SEMA6D: variants seen among roughly 807,000 people sequenced by gnomAD.
SEMA6D encodes the protein semaphorin-6D.
Under a neutral mutation model 106.6 loss-of-function variants are expected in SEMA6D, and 35 were observed. That is an observed-to-expected ratio of 0.33 (90% CI 0.25 to 0.44). SEMA6D has a LOEUF of 0.44. SEMA6D is among the 20% of genes least tolerant of loss of function. The pLI, the probability that SEMA6D is intolerant of heterozygous loss-of-function variation, is 1.00. For synonymous variants in SEMA6D, 499 were observed against 487.7 expected (o/e 1.02, Z -0.31); for missense variants, 1,185 against 1,345.9 (o/e 0.88, Z 1.87).
At chr15:47,228,011 A>ATT (rs2031900080) in intron 1 of SEMA6D, among the ~76,000 whole-genome samples, 1 of 11,080 alleles carries the variant, frequency 9.0e-5, no homozygotes, top group Non-Finnish European at 3.0e-4. Flanking sequence ...TTATATATAT[A>ATT]AGAATCATAT....
At chr15:47,405,092 G>C (rs2040518231) in intron 1 of SEMA6D, among the ~76,000 whole-genome samples, 1 of 152,078 alleles carries the variant, frequency 6.6e-6, no homozygotes, top group South Asian at 2.1e-4. Flanking sequence ...CAAAGGCAGG[G>C]CATATTGGAA....
At chr15:47,277,756 TC>T (rs1433346497) in intron 1 of SEMA6D, among the ~76,000 whole-genome samples, 2 of 151,748 alleles carry the variant, frequency 1.3e-5, no homozygotes, top group Non-Finnish European at 2.9e-5. Flanking sequence ...ATGCTATTCC[TC>T]CCCCCTCCCC....
Position 47,561,247 on chromosome 15 carries a change from A to C in SEMA6D, c.-86-39618A>C, listed in dbSNP as rs568926118. ...GAAAATCTTGAAAGCAGCAAAAGAA[A>C]AATGATCCATCACATACAGGGGAAT... On this transcript the variant is annotated intron_variant, in intron 3 of 19. Transcript: ENST00000558014. 1.5e-4 allele frequency among the ~76,000 whole-genome samples: 23 copies of C among 152,216 alleles called. 1 individual carries two copies. In the South Asian group the frequency reaches 4.6e-3, roughly 30 times the overall value.
intron 2 of SEMA6D, among the ~76,000 whole-genome samples, chr15:47,464,933 C>A (rs1225966951): frequency 1.3e-5 from 2 of 152,072 alleles, no homozygotes; most frequent in African/African-American, 4.8e-5. Flanking sequence ...GTTTCTTCTG[C>A]AAATAATCAG....
intron 1 of SEMA6D, among the ~76,000 whole-genome samples, chr15:47,219,862 A>G (rs1023886734): frequency 1.7e-4 from 26 of 152,128 alleles, no homozygotes; most frequent in African/African-American, 6.3e-4. Context: ...GGTCAGCTAT[A>G]GGTCAGTTGG....
At position 47,398,259 on chromosome 15, in the gene SEMA6D, A is replaced by G. The variant is rs564646022; in HGVS notation, c.-238-14134A>G. On this transcript the variant is annotated intron_variant, in intron 1 of 19. Coordinates refer to the SEMA6D transcript ENST00000558014. ...AATCTAGCTTTACTCCTTTTGACATATCCCAAAATAGCCTGTTTAATTCTG... is the reference window on the plus strand; with the variant it reads ...AATCTAGCTTTACTCCTTTTGACATGTCCCAAAATAGCCTGTTTAATTCTG... 2.0e-5 allele frequency among the ~76,000 whole-genome samples: 3 copies of G among 152,336 alleles called. No individual in the cohort carries two copies. In the South Asian group the frequency reaches 6.2e-4, roughly 32 times the overall value.
At position 47,646,410 on chromosome 15, in the gene SEMA6D, G is replaced by A. The variant is rs58744887; in HGVS notation, c.-55+45514G>A. Reference sequence around the variant, plus strand: ...ACCTAGACATGAGAACGGACTGAACGCATTTAGAAATATCTCCATTTTTAA... The same window carrying A: ...ACCTAGACATGAGAACGGACTGAACACATTTAGAAATATCTCCATTTTTAA... On this transcript the variant is annotated intron_variant, in intron 4 of 19. Transcript: ENST00000558014. Among the ~76,000 whole-genome samples, 845 of 152,226 alleles carry A rather than the reference G, an allele frequency of 5.6e-3. 4 individuals are homozygous for A. The highest frequency in any genetic ancestry group is 0.019 in the African/African-American group (805 of 41,540).
At chr15:47,610,862 G>A (rs1212710966) in intron 4 of SEMA6D, among the ~76,000 whole-genome samples, 1 of 152,156 alleles carries the variant, frequency 6.6e-6, no homozygotes, top group Non-Finnish European at 1.5e-5. Flanking sequence ...GACAGGAAAG[G>A]AAACAGATAC....
intron 1 of SEMA6D, among the ~76,000 whole-genome samples, chr15:47,412,060 T>G (rs113326482): frequency 6.6e-6 from 1 of 152,092 alleles, no homozygotes; most frequent in Non-Finnish European, 1.5e-5. Context: ...GGTTGGTTAC[T>G]TTTTTCCCCC....
intron 3 of SEMA6D, among the ~76,000 whole-genome samples, chr15:47,548,865 A>T (rs1254716811): frequency 6.6e-6 from 1 of 152,182 alleles, no homozygotes; most frequent in Non-Finnish European, 1.5e-5. Flanking sequence ...ATGATACCAT[A>T]TAATTCTAAT....
intron 1 of SEMA6D, among the ~76,000 whole-genome samples, chr15:47,384,258 T>C (rs2039740596): frequency 6.6e-6 from 1 of 152,128 alleles, no homozygotes; most frequent in Admixed American, 6.5e-5. Context: ...AAAACAGATT[T>C]GGAAAAAAAG....
Position 47,728,962 on chromosome 15 carries a change from C to A in SEMA6D, c.-55+11270C>A, listed in dbSNP as rs183534152. On this transcript the variant is annotated intron_variant, in intron 1 of 18. Transcript: ENST00000536845. ...CCATTACTTAATTATAATGCAGAGT[C>A]CCTCTCGCCATGTAAGGCAGCATAT... Among the ~76,000 whole-genome samples the A allele has an allele frequency of 1.4e-3, 206 of 152,284 alleles. 1 individual carries two copies. Among genetic ancestry groups the A allele is most frequent in the Non-Finnish European group, 1.7e-3 (115 of 68,040 alleles).
intron 1 of SEMA6D, among the ~76,000 whole-genome samples, chr15:47,279,493 C>G (rs2035001726): frequency 6.7e-6 from 1 of 149,048 alleles, no homozygotes; most frequent in Admixed American, 6.7e-5. Context: ...TTGATTTCCT[C>G]TTTTCCTAAT....
intron 4 of SEMA6D, among the ~76,000 whole-genome samples, chr15:47,644,245 G>T (rs2077540630): frequency 6.6e-6 from 1 of 152,162 alleles, no homozygotes; most frequent in Admixed American, 6.6e-5. Context: ...TTGTGGACTT[G>T]CAATGCACAG....
At chr15:47,420,977 G>C (rs555663313) in intron 2 of SEMA6D, among the ~76,000 whole-genome samples, 1 of 152,062 alleles carries the variant, frequency 6.6e-6, no homozygotes, top group East Asian at 1.9e-4. Flanking sequence ...GCATAAAATT[G>C]CTATTTCTCT....
chr15:47,614,178 AAAG>A (rs1292705094), intron 4 of SEMA6D, among the ~76,000 whole-genome samples: 1 of 152,196 alleles, frequency 6.6e-6, no homozygotes, highest in East Asian at 1.9e-4. Flanking sequence ...CAGGTGAAAA[AAAG>A]AAACACACAC....
chr15:47,393,180 A>AGTCTT (rs2040097346), intron 1 of SEMA6D: 2 of 152,204 alleles, frequency 1.3e-5, no homozygotes, highest in African/African-American at 4.8e-5. Flanking sequence ...ACATAATCAC[A>AGTCTT]ATCTTATCCT....
chr15:47,483,480 T>A, intron 3 of SEMA6D, among the ~76,000 whole-genome samples: 1 of 152,276 alleles, frequency 6.6e-6, no homozygotes, highest in Non-Finnish European at 1.5e-5. Flanking sequence ...TCTTTATTCA[T>A]CCAAAAGATG....
chr15:47,749,845 C>T (rs1174375222), intron 1 of SEMA6D, among the ~76,000 whole-genome samples: 2 of 151,936 alleles, frequency 1.3e-5, no homozygotes, highest in Non-Finnish European at 2.9e-5. Flanking sequence ...CCACATCCAA[C>T]GGGCAAGCAT....
Sources: gnomAD v4.1 joint callset for allele counts (sites outside exome capture counted in the v4.1 genomes callset) on GRCh38, gnomAD v4.1.1 for gene constraint, MANE v1.5 for transcripts, NCBI Gene and HGNC (gene_info 2026-07-23, HGNC 2026-07-21) for gene names.